XRCC4: variants seen among roughly 807,000 people sequenced by gnomAD.
XRCC4 encodes DNA repair protein XRCC4.
In XRCC4, 28 loss-of-function variants were observed where a neutral mutation model predicts 39.1. That is an observed-to-expected ratio of 0.72 (90% CI 0.53 to 0.98). XRCC4 has a LOEUF of 0.98. XRCC4 is among the 50% of genes least tolerant of loss of function. The probability of loss-of-function intolerance (pLI) is 0.00; values close to 1 mark genes in which losing one functional copy is unlikely to be tolerated. For synonymous variants in XRCC4, 123 were observed against 126.4 expected (o/e 0.97, Z 0.18); for missense variants, 350 against 376.4 (o/e 0.93, Z 0.58).
At chr5:83,349,996 T>C (rs912405944) in intron 7 of XRCC4, among the ~76,000 whole-genome samples, 5 of 152,158 alleles carry the variant, frequency 3.3e-5, no homozygotes, top group African/African-American at 4.8e-5. Context: ...CTCTCACTTA[T>C]AAGTGAGAAC....
chr5:83,233,236 G>A (rs1342033588), intron 6 of XRCC4, among the ~76,000 whole-genome samples: 1 of 152,150 alleles, frequency 6.6e-6, no homozygotes, highest in African/African-American at 2.4e-5. Flanking sequence ...TATGTCTGAT[G>A]TCAATATAAA....
the XRCC4 span, among the ~76,000 whole-genome samples, chr5:83,367,523 T>A: frequency 6.6e-6 from 1 of 152,116 alleles, no homozygotes; most frequent in Non-Finnish European, 1.5e-5. Flanking sequence ...TGCTCACTTC[T>A]CAAGCTCCCT....
chr5:83,181,302 T>A (rs1750195587), intron 3 of XRCC4, among the ~76,000 whole-genome samples: 1 of 152,110 alleles, frequency 6.6e-6, no homozygotes. Context: ...TCTTTAAATA[T>A]TATCAACATT....
intron 6 of XRCC4, among the ~76,000 whole-genome samples, chr5:83,224,920 C>T (rs1208398950): frequency 6.6e-6 from 1 of 152,086 alleles, no homozygotes; most frequent in Non-Finnish European, 1.5e-5. Flanking sequence ...ATTTTGAATT[C>T]CCTGTCAGAT....
intron 1 of XRCC4, among the ~76,000 whole-genome samples, chr5:83,095,275 G>A (rs190639746): frequency 1.0e-3 from 154 of 152,230 alleles, no homozygotes; most frequent in African/African-American, 3.6e-3. Flanking sequence ...GCTGCTGAAT[G>A]GACACAGAAA....
At chr5:83,262,101 A>G (rs964109015) in intron 7 of XRCC4, among the ~76,000 whole-genome samples, 3 of 152,260 alleles carry the variant, frequency 2.0e-5, no homozygotes, top group South Asian at 2.1e-4. Flanking sequence ...CAGAATTTTG[A>G]TAAGTGCTTT....
intron 7 of XRCC4, among the ~76,000 whole-genome samples, chr5:83,275,895 A>G (rs1754315594): frequency 6.6e-6 from 1 of 152,222 alleles, no homozygotes; most frequent in Non-Finnish European, 1.5e-5. Context: ...GCATTTGTGG[A>G]AAAATGAATA....
intron 7 of XRCC4, among the ~76,000 whole-genome samples, chr5:83,307,948 T>G (rs1034063966): frequency 1.4e-4 from 21 of 152,202 alleles, no homozygotes; most frequent in African/African-American, 4.6e-4. Context: ...TTTTCAGTTT[T>G]GGGACAAAAG....
intron 3 of XRCC4, among the ~76,000 whole-genome samples, chr5:83,156,687 C>T (rs773573011): frequency 6.6e-6 from 1 of 151,994 alleles, no homozygotes; most frequent in Non-Finnish European, 1.5e-5. Context: ...TTGAGACTTT[C>T]TGTTAATATG....
intron 3 of XRCC4, among the ~76,000 whole-genome samples, chr5:83,145,139 C>T (rs1748391301): frequency 1.3e-5 from 2 of 152,172 alleles, no homozygotes; most frequent in African/African-American, 2.4e-5. Flanking sequence ...TCATGATCCG[C>T]CTGCCTCGGC....
intron 7 of XRCC4, among the ~76,000 whole-genome samples, chr5:83,351,141 C>G (rs117272045): frequency 2.0e-5 from 3 of 152,130 alleles, no homozygotes; most frequent in African/African-American, 4.8e-5. Flanking sequence ...TCTTACCCCC[C>G]GCTTCCTCCT....
At chr5:83,295,709 C>T (rs1391637276) in intron 7 of XRCC4, among the ~76,000 whole-genome samples, 2 of 150,350 alleles carry the variant, frequency 1.3e-5, no homozygotes, top group Non-Finnish European at 2.9e-5. Context: ...GTAACACACA[C>T]ACACATGCAC....
intron 3 of XRCC4, among the ~76,000 whole-genome samples, chr5:83,128,138 G>A (rs938120267): frequency 6.6e-6 from 1 of 151,832 alleles, no homozygotes; most frequent in Non-Finnish European, 1.5e-5. Context: ...GCCACCCCAC[G>A]ACAGGCCCCA....
At chr5:83,193,794 CAAAACCA>C (rs1198407054) in intron 3 of XRCC4, among the ~76,000 whole-genome samples, 2 of 152,160 alleles carry the variant, frequency 1.3e-5, no homozygotes, top group African/African-American at 4.8e-5. Flanking sequence ...TAAAAGAATA[CAAAACCA>C]CTTTGTGGGT....
At chr5:83,284,200 G>C (rs977030030) in intron 7 of XRCC4, among the ~76,000 whole-genome samples, 1 of 151,288 alleles carries the variant, frequency 6.6e-6, no homozygotes, top group Non-Finnish European at 1.5e-5. Flanking sequence ...GAGGGATTTT[G>C]TAGAGCACTC....
At chr5:83,236,404 G>T (rs947627782) in intron 6 of XRCC4, among the ~76,000 whole-genome samples, 7 of 152,040 alleles carry the variant, frequency 4.6e-5, no homozygotes, top group African/African-American at 1.7e-4. Context: ...AGAACCCTCA[G>T]AAATAAATCC....
intron 7 of XRCC4, among the ~76,000 whole-genome samples, chr5:83,325,965 C>T (rs1756246007): frequency 6.6e-6 from 1 of 152,034 alleles, no homozygotes. Context: ...TCCTCACCAG[C>T]ATCTGTTGTT....
Position 83,322,097 on chromosome 5 carries a change from A to G in XRCC4, c.894-31034A>G, listed in dbSNP as rs148369036. ...TAAGCTGTTTCTTATTTTATGTTCT[A>G]TGCTTTCACAATTTACATTTACTTA... is the stretch of plus-strand genomic sequence containing the variant. On this transcript the variant is annotated intron_variant, in intron 7 of 7. Coordinates refer to ENST00000396027, the MANE Select transcript of XRCC4 (RefSeq NM_003401.5). Among the ~76,000 whole-genome samples the G allele has an allele frequency of 6.8e-4, 103 of 151,826 alleles. 1 individual carries two copies. Among genetic ancestry groups the G allele is most frequent in the African/African-American group, 2.4e-3 (100 of 41,394 alleles).
intron 3 of XRCC4, among the ~76,000 whole-genome samples, chr5:83,144,648 A>C (rs941610982): frequency 1.5e-5 from 2 of 131,772 alleles, no homozygotes; most frequent in Non-Finnish European, 3.0e-5. Context: ...TATTATTTTT[A>C]AAATGCTTTT....
Sources: allele counts gnomAD v4.1 joint callset (sites outside exome capture counted in the v4.1 genomes callset), GRCh38; gene constraint gnomAD v4.1.1; transcripts MANE v1.5; gene names NCBI Gene and HGNC (gene_info 2026-07-23, HGNC 2026-07-21).